AGBL4: variants seen among roughly 807,000 people sequenced by gnomAD.
AGBL4 encodes AGBL carboxypeptidase 4, also known as cytosolic carboxypeptidase 6.
AGBL4 carries 58 observed loss-of-function variants against 66.4 expected under a neutral mutation model. The observed-to-expected ratio is 0.87, with a 90% CI of 0.71 to 1.09. AGBL4 has a LOEUF of 1.09. Among genes scored for constraint, AGBL4 ranks in the 50% least tolerant of loss-of-function variants. The probability of loss-of-function intolerance (pLI) is 0.00; values close to 1 mark genes in which losing one functional copy is unlikely to be tolerated. For synonymous variants in AGBL4, 234 were observed against 222.9 expected (o/e 1.05, Z -0.44); for missense variants, 579 against 631.0 (o/e 0.92, Z 0.88).
chr1:49,109,720 A>C (rs1645367803), intron 4 of AGBL4, among the ~76,000 whole-genome samples: 1 of 152,086 alleles, frequency 6.6e-6, no homozygotes, highest in Non-Finnish European at 1.5e-5. Flanking sequence ...AGATTGACTA[A>C]TCTTAATTTA....
intron 1 of AGBL4, among the ~76,000 whole-genome samples, chr1:49,961,232 G>C (rs967023295): frequency 6.6e-6 from 1 of 152,102 alleles, no homozygotes; most frequent in African/African-American, 2.4e-5. Context: ...TTCTTGGCAA[G>C]TCATGGTGGC....
At chr1:49,718,830 A>G (rs1275716590) in intron 2 of AGBL4, among the ~76,000 whole-genome samples, 3 of 152,078 alleles carry the variant, frequency 2.0e-5, no homozygotes, top group African/African-American at 7.2e-5. Context: ...AAAATTTGTA[A>G]GCTTTCTATT....
In AGBL4 at chr1:49,146,979, C is replaced by T. The variant is rs370785552; in HGVS notation, c.377+98791G>A. On this transcript the variant is annotated intron_variant, in intron 4 of 13. Coordinates refer to ENST00000371839, the MANE Select transcript of AGBL4 (RefSeq NM_032785.4). Reference sequence around the variant, plus strand: ...CATCAGCTTCAGAAAACTCAGAATGCTGAAGGCAGCACAAAGCTAATGCTT... The same window carrying T: ...CATCAGCTTCAGAAAACTCAGAATGTTGAAGGCAGCACAAAGCTAATGCTT... Among the ~76,000 whole-genome samples the T allele has an allele frequency of 1.1e-4, 16 of 152,334 alleles. No individual in the cohort carries two copies. In the East Asian group the frequency reaches 3.1e-3, roughly 29 times the overall value.
At chr1:49,243,916 A>G (rs1469840040) in intron 4 of AGBL4, among the ~76,000 whole-genome samples, 1 of 151,824 alleles carries the variant, frequency 6.6e-6, no homozygotes, top group African/African-American at 2.4e-5. Flanking sequence ...AGAGGAGTCC[A>G]ATGACTGGAT....
intron 2 of AGBL4, among the ~76,000 whole-genome samples, chr1:49,792,623 T>C (rs1261659162): frequency 3.9e-5 from 6 of 152,056 alleles, no homozygotes; most frequent in Non-Finnish European, 7.4e-5. Flanking sequence ...CCTTTATGTA[T>C]TTTTTGGTAA....
At chr1:48,876,392 G>C (rs999818795) in intron 5 of AGBL4, among the ~76,000 whole-genome samples, 7 of 152,104 alleles carry the variant, frequency 4.6e-5, no homozygotes, top group Non-Finnish European at 1.0e-4. Flanking sequence ...CTTTGCTCTG[G>C]AGGAAAGACC....
chr1:49,947,616 C>A (rs1655337355), intron 1 of AGBL4, among the ~76,000 whole-genome samples: 1 of 151,602 alleles, frequency 6.6e-6, no homozygotes, highest in South Asian at 2.1e-4. Flanking sequence ...TGAAAGCATT[C>A]CCTCTGAGAA....
At chr1:49,978,784 A>G (rs193221082) in intron 1 of AGBL4, among the ~76,000 whole-genome samples, 1 of 152,364 alleles carries the variant, frequency 6.6e-6, no homozygotes, top group African/African-American at 2.4e-5. Flanking sequence ...CAAAATATTA[A>G]CAGTGGTTAT....
intron 4 of AGBL4, among the ~76,000 whole-genome samples, chr1:49,111,556 G>C (rs1325226589): frequency 6.6e-6 from 1 of 152,188 alleles, no homozygotes; most frequent in Non-Finnish European, 1.5e-5. Flanking sequence ...CACCTCCACA[G>C]AGAGGCTTCT....
chr1:48,714,771 C>A (rs1647022720), intron 6 of AGBL4, among the ~76,000 whole-genome samples: 1 of 152,220 alleles, frequency 6.6e-6, no homozygotes, highest in South Asian at 2.1e-4. Context: ...TAGCCCCGAC[C>A]ACCTGTGCAG....
chr1:48,872,064 T>A (rs1648732311), intron 5 of AGBL4, among the ~76,000 whole-genome samples: 2 of 152,134 alleles, frequency 1.3e-5, no homozygotes, highest in South Asian at 4.1e-4. Flanking sequence ...ATTTTCCAAA[T>A]TTCCAGAAAA....
intron 3 of AGBL4, among the ~76,000 whole-genome samples, chr1:49,670,922 T>C (rs1177449295): frequency 6.6e-6 from 1 of 152,190 alleles, no homozygotes. Flanking sequence ...TAAAGCAATT[T>C]ACAGATTCAA....
intron 3 of AGBL4, among the ~76,000 whole-genome samples, chr1:49,687,852 G>T (rs937458091): frequency 5.3e-5 from 8 of 151,984 alleles, no homozygotes; most frequent in African/African-American, 1.9e-4. Context: ...AAATAATAAA[G>T]TACATACGCA....
At chr1:49,348,754 G>C (rs6658368) in intron 3 of AGBL4, among the ~76,000 whole-genome samples, 1 of 152,078 alleles carries the variant, frequency 6.6e-6, no homozygotes, top group South Asian at 2.1e-4. Flanking sequence ...CACAGAAAAC[G>C]AATAGAAGCT....
intron 5 of AGBL4, among the ~76,000 whole-genome samples, chr1:48,934,260 G>A (rs1655272259): frequency 6.6e-6 from 1 of 152,106 alleles, no homozygotes; most frequent in South Asian, 2.1e-4. Flanking sequence ...AGCAGGAGGG[G>A]TGTCACTCAT....
rs752138377 is a variant in AGBL4, at chr1:48,736,211, G to C, written c.635-72970C>G. 6.3e-7 allele frequency: 1 copy of C among 1,589,538 alleles called. No homozygotes were observed. The highest frequency in any genetic ancestry group is 1.3e-5 in the African/African-American group (1 of 74,280). ...TGACAGAGTAAAAGACAGAATCCCA[G>C]CCATTGTGTTTCCACTCAGTGACCT... On this transcript the variant is annotated intron_variant, in intron 6 of 13. Coordinates refer to ENST00000371839, the MANE Select transcript of AGBL4 (RefSeq NM_032785.4). This position sits in a 1 kb window ranked among gnomAD's most constrained non-coding sequence, Gnocchi z 4.0.
intron 6 of AGBL4, among the ~76,000 whole-genome samples, chr1:48,756,079 T>G (rs542145409): frequency 1.1e-4 from 16 of 152,302 alleles, no homozygotes; most frequent in African/African-American, 3.1e-4. Context: ...TAATCAAGCA[T>G]TAACAGAATG....
At chr1:49,690,298 G>A (rs961465112) in intron 3 of AGBL4, among the ~76,000 whole-genome samples, 6 of 151,990 alleles carry the variant, frequency 3.9e-5, no homozygotes, top group African/African-American at 7.3e-5. Flanking sequence ...CTATGATCTC[G>A]AACCAAACCC....
chr1:48,683,530 A>T (rs182333201), intron 6 of AGBL4, among the ~76,000 whole-genome samples: 2 of 152,230 alleles, frequency 1.3e-5, no homozygotes, highest in East Asian at 3.9e-4. Context: ...AGGATGAGGG[A>T]GAGTATTTGG....
Sources: allele counts gnomAD v4.1 joint callset (sites outside exome capture counted in the v4.1 genomes callset), GRCh38; gene constraint gnomAD v4.1.1; non-coding constraint Gnocchi (gnomAD v3.1); transcripts MANE v1.5; gene names NCBI Gene and HGNC (gene_info 2026-07-23, HGNC 2026-07-21).